FRMD4B: variants seen among roughly 807,000 people sequenced by gnomAD.
FRMD4B encodes the protein FERM domain-containing protein 4B.
FRMD4B carries 74 observed loss-of-function variants against 141.5 expected under a neutral mutation model. The observed-to-expected ratio is 0.52, with a 90% CI of 0.43 to 0.63. The LOEUF is 0.63. Among genes scored for constraint, FRMD4B ranks in the 30% least tolerant of loss-of-function variants. The pLI, the probability that FRMD4B is intolerant of heterozygous loss-of-function variation, is 0.00. For missense variants in FRMD4B, 1,366 were observed against 1,253.4 expected (o/e 1.09, Z -1.36); for synonymous variants, 506 against 467.9 (o/e 1.08, Z -1.05).
At chr3:69,435,894 C>G (rs1420240666) in intron 1 of FRMD4B, among the ~76,000 whole-genome samples, 1 of 152,090 alleles carries the variant, frequency 6.6e-6, no homozygotes, top group East Asian at 1.9e-4. Flanking sequence ...GCCAGTTTTT[C>G]CTTCAAAGTT....
intron 1 of FRMD4B, among the ~76,000 whole-genome samples, chr3:69,503,073 T>C (rs543384425): frequency 6.6e-6 from 1 of 152,212 alleles, no homozygotes; most frequent in African/African-American, 2.4e-5. Flanking sequence ...AGGAACACTT[T>C]GACACTGTTG....
chr3:69,212,827 C>T (rs887283558), intron 11 of FRMD4B, among the ~76,000 whole-genome samples: 2 of 152,094 alleles, frequency 1.3e-5, no homozygotes, highest in Non-Finnish European at 2.9e-5. Flanking sequence ...CAGTAAGACT[C>T]CTGAGTGTTA....
intron 2 of FRMD4B, among the ~76,000 whole-genome samples, chr3:69,421,283 A>G (rs1450375692): frequency 6.6e-6 from 1 of 152,238 alleles, no homozygotes; most frequent in Non-Finnish European, 1.5e-5. Flanking sequence ...ATGACTTTGC[A>G]TAAGGCACTT....
chr3:69,225,186 G>T (rs1412221315), intron 7 of FRMD4B, among the ~76,000 whole-genome samples: 1 of 152,088 alleles, frequency 6.6e-6, no homozygotes, highest in African/African-American at 2.4e-5. Flanking sequence ...AAATATAGCA[G>T]ACCAACTCAA....
intron 1 of FRMD4B, among the ~76,000 whole-genome samples, chr3:69,434,457 T>C (rs1705230196): frequency 6.6e-6 from 1 of 152,166 alleles, no homozygotes; most frequent in African/African-American, 2.4e-5. Flanking sequence ...TCAGATTCCA[T>C]TCCTGCCGGC....
chr3:69,455,937 T>A (rs189715476), intron 1 of FRMD4B, among the ~76,000 whole-genome samples: 1 of 152,314 alleles, frequency 6.6e-6, no homozygotes, highest in Admixed American at 6.5e-5. Flanking sequence ...TCAGTTCCAT[T>A]TTGTTCTGAG....
At chr3:69,272,606 T>C (rs1242971433) in intron 5 of FRMD4B, among the ~76,000 whole-genome samples, 1 of 152,222 alleles carries the variant, frequency 6.6e-6, no homozygotes, top group Non-Finnish European at 1.5e-5. Context: ...CATTCACATA[T>C]GCAAACACTC....
chr3:69,344,721 T>C (rs1702871014), intron 1 of FRMD4B, among the ~76,000 whole-genome samples: 5 of 152,208 alleles, frequency 3.3e-5, no homozygotes, highest in Admixed American at 3.3e-4. Context: ...CTGTCCCTCC[T>C]GACTGGAAAA....
At chr3:69,343,866 C>T (rs372925353) in intron 1 of FRMD4B, among the ~76,000 whole-genome samples, 1 of 152,110 alleles carries the variant, frequency 6.6e-6, no homozygotes, top group Non-Finnish European at 1.5e-5. Context: ...AGGCGTGAAC[C>T]ACCACACCCG....
intron 5 of FRMD4B, among the ~76,000 whole-genome samples, chr3:69,281,992 G>A (rs944790192): frequency 1.3e-5 from 2 of 151,934 alleles, no homozygotes; most frequent in African/African-American, 2.4e-5. Context: ...TCTCTATGCC[G>A]TATGGGCAAT....
chr3:69,469,923 A>G (rs1361450487), intron 1 of FRMD4B, among the ~76,000 whole-genome samples: 1 of 152,148 alleles, frequency 6.6e-6, no homozygotes, highest in Non-Finnish European at 1.5e-5. Context: ...ATTTCACCAA[A>G]TTGCTGTGTT....
chr3:69,308,232 A>G (rs1701457292), intron 3 of FRMD4B, among the ~76,000 whole-genome samples: 1 of 152,126 alleles, frequency 6.6e-6, no homozygotes, highest in Admixed American at 6.5e-5. Flanking sequence ...ACCCTATTAC[A>G]GGTGCCTTAT....
chr3:69,483,174 T>G (rs993169271), intron 1 of FRMD4B, among the ~76,000 whole-genome samples: 4 of 152,232 alleles, frequency 2.6e-5, no homozygotes, highest in Admixed American at 6.5e-5. Context: ...TCTTAGTTAC[T>G]AAGTATGTAT....
intron 5 of FRMD4B, among the ~76,000 whole-genome samples, chr3:69,280,558 G>A (rs575719730): frequency 6.6e-6 from 1 of 152,222 alleles, no homozygotes; most frequent in African/African-American, 2.4e-5. Flanking sequence ...ACAACGTTCA[G>A]AATTAAAGGA....
intron 2 of FRMD4B, among the ~76,000 whole-genome samples, chr3:69,401,314 G>A (rs377114880): frequency 1.8e-4 from 27 of 152,204 alleles, no homozygotes; most frequent in East Asian, 1.5e-3. Context: ...ACGGGACAGA[G>A]GAGGGATATC....
intron 1 of FRMD4B, among the ~76,000 whole-genome samples, chr3:69,441,587 C>T (rs971060184): frequency 3.9e-5 from 6 of 152,144 alleles, no homozygotes; most frequent in East Asian, 1.9e-4. Flanking sequence ...TTATTCCCCA[C>T]GATATACTAT....
intron 1 of FRMD4B, among the ~76,000 whole-genome samples, chr3:69,511,357 AC>A (rs1311879853): frequency 6.6e-6 from 1 of 152,176 alleles, no homozygotes; most frequent in African/African-American, 2.4e-5. Context: ...TGTGCCAGCC[AC>A]TATGCTAGGC....
intron 1 of FRMD4B, among the ~76,000 whole-genome samples, chr3:69,335,040 T>A (rs1390108375): frequency 6.6e-6 from 1 of 152,150 alleles, no homozygotes. Flanking sequence ...TCCCAGCACT[T>A]TGGGAGGCTG....
intron 1 of FRMD4B, among the ~76,000 whole-genome samples, chr3:69,456,347 T>G (rs1487391950): frequency 6.6e-6 from 1 of 152,238 alleles, no homozygotes; most frequent in Non-Finnish European, 1.5e-5. Flanking sequence ...AAAAAATTCA[T>G]ATGCCTTTTG....
Sources: gnomAD v4.1 joint callset for allele counts (sites outside exome capture counted in the v4.1 genomes callset) on GRCh38, gnomAD v4.1.1 for gene constraint, MANE v1.5 for transcripts, NCBI Gene and HGNC (gene_info 2026-07-23, HGNC 2026-07-21) for gene names.